KIZ: variants seen among roughly 807,000 people sequenced by gnomAD.
The protein encoded by KIZ is centrosomal protein kizuna.
KIZ carries 68 observed loss-of-function variants against 79.6 expected under a neutral mutation model. The ratio of observed to expected loss-of-function variants is 0.85; its 90% confidence interval spans 0.70 to 1.05. KIZ has a LOEUF of 1.05. Among genes scored for constraint, KIZ ranks in the 50% least tolerant of loss-of-function variants. KIZ has a pLI of 0.00. For missense variants in KIZ, 797 were observed against 800.4 expected (o/e 1.00, Z 0.05); for synonymous variants, 280 against 281.8 (o/e 0.99, Z 0.06).
intron 3 of KIZ, among the ~76,000 whole-genome samples, chr20:21,136,897 G>A (rs1040289972): frequency 1.1e-4 from 16 of 152,122 alleles, no homozygotes; most frequent in Admixed American, 4.6e-4. Flanking sequence ...CTTTTTCTGT[G>A]AATTACCATG....
chr20:21,169,225 A>G (rs926452488), intron 6 of KIZ, among the ~76,000 whole-genome samples: 4 of 152,200 alleles, frequency 2.6e-5, no homozygotes, highest in Admixed American at 6.5e-5. Flanking sequence ...ATGAACTCCA[A>G]CAAATTTACA....
intron 6 of KIZ, chr20:21,197,321 G>T (rs1228650401): frequency 6.6e-6 from 1 of 152,106 alleles, no homozygotes; most frequent in East Asian, 1.9e-4. Context: ...TTCTGATTAA[G>T]AATAAAGAAA....
At chr20:21,209,915 G>A (rs1009025185) in intron 7 of KIZ, among the ~76,000 whole-genome samples, 11 of 108,192 alleles carry the variant, frequency 1.0e-4, no homozygotes, top group Non-Finnish European at 2.0e-4. Context: ...TCTTTAGAGC[G>A]AGCATATGTT....
intron 3 of KIZ, among the ~76,000 whole-genome samples, chr20:21,142,657 G>A (rs1303383444): frequency 2.6e-5 from 4 of 152,006 alleles, no homozygotes; most frequent in Admixed American, 6.6e-5. Context: ...GCTGGATGTG[G>A]TGGCATGTGC....
chr20:21,206,788 G>A (rs2035844460), intron 7 of KIZ, among the ~76,000 whole-genome samples: 1 of 152,196 alleles, frequency 6.6e-6, no homozygotes, highest in South Asian at 2.1e-4. Context: ...AGGGAGCCCT[G>A]CCCTGGTTCA....
chr20:21,217,715 T>C (rs530037913), intron 9 of KIZ, among the ~76,000 whole-genome samples: 1 of 152,200 alleles, frequency 6.6e-6, no homozygotes, highest in East Asian at 1.9e-4. Context: ...TTAAATGAAA[T>C]CATTTGTGAA....
chr20:21,182,957 C>T (rs1034333047), intron 6 of KIZ, among the ~76,000 whole-genome samples: 3 of 152,078 alleles, frequency 2.0e-5, no homozygotes, highest in African/African-American at 7.2e-5. Flanking sequence ...TTAGATTAAT[C>T]ACAGTCTACT....
intron 11 of KIZ, 71 bp from the exon 12 acceptor site, chr20:21,244,174 C>A: frequency 3.8e-6 from 4 of 1,051,732 alleles, no homozygotes; most frequent in Non-Finnish European, 5.9e-6. Flanking sequence ...TTCTCTAATG[C>A]GTTCATTATG....
At chr20:21,168,165 G>A (rs2034036353) in intron 6 of KIZ, among the ~76,000 whole-genome samples, 1 of 152,118 alleles carries the variant, frequency 6.6e-6, no homozygotes. Flanking sequence ...GTGAGAACAT[G>A]CGGTGTTTGG....
intron 6 of KIZ, among the ~76,000 whole-genome samples, chr20:21,203,916 G>T (rs556484886): frequency 6.6e-6 from 1 of 151,922 alleles, no homozygotes; most frequent in African/African-American, 2.4e-5. Context: ...CTTACAAAAT[G>T]GAAAATCTAT....
intron 6 of KIZ, among the ~76,000 whole-genome samples, chr20:21,180,430 G>A (rs1390134894): frequency 6.6e-6 from 1 of 152,024 alleles, no homozygotes; most frequent in Admixed American, 6.5e-5. Context: ...TAGGGGGTGG[G>A]GCGAGGGACG....
At chr20:21,166,701 G>T (rs985893761) in intron 6 of KIZ, 6 of 620,490 alleles carry the variant, frequency 9.7e-6, no homozygotes, top group East Asian at 2.7e-5. Flanking sequence ...CAGGTGATCT[G>T]CCTGCCTCAG....
At chr20:21,143,852 T>A (rs577387072) in intron 3 of KIZ, among the ~76,000 whole-genome samples, 26 of 152,222 alleles carry the variant, frequency 1.7e-4, no homozygotes, top group Non-Finnish European at 2.8e-4. Context: ...AATAACCAGG[T>A]GTTGTATGCA....
intron 6 of KIZ, among the ~76,000 whole-genome samples, chr20:21,167,332 C>T (rs1165312277): frequency 1.3e-5 from 2 of 152,170 alleles, no homozygotes; most frequent in African/African-American, 4.8e-5. Flanking sequence ...GTTCAGGGTT[C>T]CTTGTGGGAA....
chr20:21,219,544 C>G (rs2036432588), intron 9 of KIZ, among the ~76,000 whole-genome samples: 1 of 152,104 alleles, frequency 6.6e-6, no homozygotes, highest in African/African-American at 2.4e-5. Context: ...TCTCCAACTC[C>G]CGACCTCAAG....
intron 9 of KIZ, among the ~76,000 whole-genome samples, chr20:21,228,716 C>T (rs1211595543): frequency 6.6e-6 from 1 of 152,134 alleles, no homozygotes. Context: ...CTCTACAAGG[C>T]CCCGAGGGAA....
intron 10 of KIZ, among the ~76,000 whole-genome samples, chr20:21,230,138 A>G (rs574334038): frequency 5.3e-5 from 8 of 152,298 alleles, no homozygotes; most frequent in Non-Finnish European, 1.2e-4. Flanking sequence ...TCTAAATAGC[A>G]TGTAATTCCC....
intron 9 of KIZ, among the ~76,000 whole-genome samples, chr20:21,222,336 T>G (rs2036526839): frequency 6.6e-6 from 1 of 152,164 alleles, no homozygotes; most frequent in Non-Finnish European, 1.5e-5. Context: ...GCCACACCCT[T>G]GTGCAATTAT....
intron 10 of KIZ, among the ~76,000 whole-genome samples, chr20:21,231,386 T>C (rs2036828214): frequency 6.6e-6 from 1 of 152,310 alleles, no homozygotes; most frequent in African/African-American, 2.4e-5. Flanking sequence ...CTTCGATGTG[T>C]ATCAGAAATT....
Sources: allele counts gnomAD v4.1 joint callset (sites outside exome capture counted in the v4.1 genomes callset), GRCh38; gene constraint gnomAD v4.1.1; transcripts MANE v1.5; gene names NCBI Gene and HGNC (gene_info 2026-07-23, HGNC 2026-07-21).